SNRPA1: variants seen among roughly 807,000 people sequenced by gnomAD.
The protein encoded by SNRPA1 is small nuclear ribonucleoprotein polypeptide A'.
Under a neutral mutation model 32.3 loss-of-function variants are expected in SNRPA1, and 5 were observed. The observed-to-expected ratio is 0.15, with a 90% CI of 0.08 to 0.33. The LOEUF is 0.33. SNRPA1 is among the 10% of genes least tolerant of loss of function. The probability of loss-of-function intolerance (pLI) is 1.00; values close to 1 mark genes in which losing one functional copy is unlikely to be tolerated. For missense variants in SNRPA1, 198 were observed against 311.1 expected, an observed-to-expected ratio of 0.64 and a Z score of 2.74; for synonymous variants, 111 against 120.1, an observed-to-expected ratio of 0.92 and a Z score of 0.50.
chr15:101,287,029 C>T lies in SNRPA1; in HGVS notation c.357-19G>A, dbSNP rs1465322218. 1 of 1,383,378 alleles carries T rather than the reference C, an allele frequency of 7.2e-7. No individual in the cohort carries two copies. The highest frequency in any genetic ancestry group is 1.0e-6 in the Non-Finnish European group (1 of 973,330). The allele number at this position is 1,383,378 out of a possible 1,614,324, so 85.7% of individuals were successfully genotyped here. A position where few individuals can be genotyped will look rare whatever the true frequency, so the allele number is the denominator to read the frequency against. On this transcript the variant is annotated intron_variant, in intron 4 of 8. Coordinates refer to ENST00000254193, the MANE Select transcript of SNRPA1 (RefSeq NM_003090.4). Reference sequence around the variant, plus strand: ...TAGGATACTACAAGAAAAGGAATGACACAATGGCAAACTTGTTCATGGCAC... The same window carrying T: ...TAGGATACTACAAGAAAAGGAATGATACAATGGCAAACTTGTTCATGGCAC...
chr15:101,285,838 C>A, intron 6 of SNRPA1, 37 bp from the exon 7 acceptor site: 4 of 1,517,166 alleles, frequency 2.6e-6, no homozygotes, highest in Non-Finnish European at 3.7e-6. Context: ...TAGACCTAGA[C>A]CAACAGAAGT....
Position 101,281,733 on chromosome 15 carries a change from G to T in SNRPA1, c.759C>A (p.Asn253Lys). Residue 253 changes from asparagine to lysine, a missense_variant, in exon 9 of 9, where the codon AAC becomes AAA. Physicochemically the swap from Asn to Lys is moderately conservative, Grantham distance 94. Transcript: ENST00000254193. ...ACATCTGCCTCACTGCTCAGGACCC[G>T]TTTGTGACTGTGTCTTCTTCCATCT... ...EEEMEEDTVT[N>K]GS 6.2e-7 allele frequency: 1 copy of T among 1,613,280 alleles called. No homozygotes were observed. Among genetic ancestry groups the T allele is most frequent in the Non-Finnish European group, 8.5e-7 (1 of 1,179,216 alleles).
intron 6 of SNRPA1, 39 bp from the exon 7 acceptor site, chr15:101,285,840 A>G: frequency 6.7e-7 from 1 of 1,500,082 alleles, no homozygotes; most frequent in South Asian, 1.1e-5. Context: ...GACCTAGACC[A>G]ACAGAAGTTG....
At chr15:101,286,087 C>T (rs1434366024) in intron 6 of SNRPA1, 127 bp downstream of exon 6, 5 of 759,466 alleles carry the variant, frequency 6.6e-6, no homozygotes, top group African/African-American at 1.8e-5. Flanking sequence ...GGACTATAAG[C>T]ACTCAAATTT....
At chr15:101,287,349 A>AAG (rs2039467699) in intron 4 of SNRPA1, among the ~76,000 whole-genome samples, 1 of 151,482 alleles carries the variant, frequency 6.6e-6, no homozygotes, top group Non-Finnish European at 1.5e-5. Flanking sequence ...CCCACCCCAC[A>AAG]ACAGGCCCCG....
At chr15:101,286,140 G>C in intron 6 of SNRPA1, 74 bp downstream of exon 6, 1 of 1,277,914 alleles carries the variant, frequency 7.8e-7, no homozygotes, top group Non-Finnish European at 1.1e-6. Flanking sequence ...AATTTTGTAG[G>C]AGACGAACTG....
intron 4 of SNRPA1, among the ~76,000 whole-genome samples, chr15:101,287,276 C>A (rs1278564941): frequency 6.6e-6 from 1 of 152,114 alleles, no homozygotes; most frequent in Non-Finnish European, 1.5e-5. Flanking sequence ...TGTTGGTGGG[C>A]TGCACCCATT....
intron 8 of SNRPA1, among the ~76,000 whole-genome samples, chr15:101,283,435 G>A (rs1011017502): frequency 2.1e-4 from 32 of 152,036 alleles, no homozygotes; most frequent in African/African-American, 7.0e-4. Flanking sequence ...GCTTGGTGGC[G>A]GGCGCCTGTA....
At chr15:101,294,554 T>G (rs1330186828) in intron 1 of SNRPA1, among the ~76,000 whole-genome samples, 1 of 152,158 alleles carries the variant, frequency 6.6e-6, no homozygotes. Context: ...GTGACACAGT[T>G]CAATTTTTAA....
intron 3 of SNRPA1, 129 bp from the exon 4 acceptor site, chr15:101,287,831 C>T (rs571038539): frequency 1.1e-4 from 82 of 730,480 alleles, no homozygotes; most frequent in African/African-American, 6.7e-4. Context: ...AGCAACAAGC[C>T]CAATACTAGC....
chr15:101,289,660 G>A (rs1596471857), intron 3 of SNRPA1, among the ~76,000 whole-genome samples: 2 of 152,010 alleles, frequency 1.3e-5, no homozygotes, highest in East Asian at 1.9e-4. Flanking sequence ...AGCTGGGCGC[G>A]GTGACTCACG....
chr15:101,284,815 A>G lies in SNRPA1; in HGVS notation c.709+152T>C, dbSNP rs1195373204. On this transcript the variant is annotated intron_variant, in intron 8 of 8. Coordinates refer to ENST00000254193, the MANE Select transcript of SNRPA1 (RefSeq NM_003090.4). The stretch of plus-strand genomic sequence containing the variant: ...CTGCACCCAACCCATCAAATACTTT[A>G]TCTTCAAAGAGCATTTAAAGAGATT... The G allele has an allele frequency of 6.2e-6, 4 of 643,530 alleles. No homozygotes were observed. In the African/African-American group the frequency reaches 7.2e-5, roughly 12 times the overall value. The allele number at this position is 643,530 out of a possible 1,614,324, so 39.9% of individuals were successfully genotyped here. A position where few individuals can be genotyped will look rare whatever the true frequency, so the allele number is the denominator to read the frequency against.
intron 1 of SNRPA1, 178 bp downstream of exon 1, chr15:101,294,919 G>C: frequency 2.2e-6 from 1 of 462,452 alleles, no homozygotes; most frequent in Non-Finnish European, 3.9e-6. Flanking sequence ...GAGCTTAACC[G>C]GATGCTCATC....
intron 1 of SNRPA1, among the ~76,000 whole-genome samples, chr15:101,294,490 A>G (rs546336771): frequency 1.3e-5 from 2 of 152,340 alleles, no homozygotes; most frequent in South Asian, 4.1e-4. Context: ...AGGAATCTGA[A>G]TAATTGCGAG....
intron 8 of SNRPA1, among the ~76,000 whole-genome samples, chr15:101,283,803 G>A (rs914166928): frequency 2.6e-5 from 4 of 152,158 alleles, no homozygotes; most frequent in Non-Finnish European, 4.4e-5. Context: ...AGCCGGGCAC[G>A]GTAGCAGGTG....
rs1326071966 is a variant in SNRPA1, at chr15:101,289,899, G to A, written c.309+2063C>T. On this transcript the variant is annotated intron_variant, in intron 3 of 8. Coordinates refer to ENST00000254193, the MANE Select transcript of SNRPA1 (RefSeq NM_003090.4). ...AGAGGTTGCAGTGAGCCGAGATCTC[G>A]CCACTGCACTCCAGCCACTCCATCT... The A allele has an allele frequency of 2.5e-5, 3 of 119,094 alleles. No individual in the cohort carries two copies. In the East Asian group the frequency reaches 7.6e-4, roughly 30 times the overall value. 7.4% of individuals were successfully genotyped at this position (119,094 alleles called of 1,614,324 possible). A position where few individuals can be genotyped will look rare whatever the true frequency, so the allele number is the denominator to read the frequency against.
chr15:101,293,359 G>C lies in SNRPA1; in HGVS notation c.83-187C>G, dbSNP rs933299084. The C allele has an allele frequency of 8.7e-6, 4 of 461,262 alleles. No individual in the cohort carries two copies. The South Asian group carries it at 1.3e-4, about 15-fold the overall frequency. 28.6% of individuals were successfully genotyped at this position (461,262 alleles called of 1,614,324 possible). On this transcript the variant is annotated intron_variant, in intron 1 of 8. Coordinates refer to ENST00000254193, the MANE Select transcript of SNRPA1 (RefSeq NM_003090.4). ...AGATACTAGAGAGAAAACGCTGAACGAGTCTCAAGTCCCCAGTGCCATGAA... is the reference window on the plus strand; with the variant it reads ...AGATACTAGAGAGAAAACGCTGAACCAGTCTCAAGTCCCCAGTGCCATGAA...
chr15:101,292,630 AT>A (rs1394282118), intron 2 of SNRPA1, among the ~76,000 whole-genome samples: 4 of 152,006 alleles, frequency 2.6e-5, no homozygotes, highest in African/African-American at 7.3e-5. Flanking sequence ...CAAAAGTATA[AT>A]TGTTACCTTT....
At chr15:101,290,593 A>G (rs1196804048) in intron 3 of SNRPA1, among the ~76,000 whole-genome samples, 4 of 149,628 alleles carry the variant, frequency 2.7e-5, no homozygotes, top group African/African-American at 9.9e-5. Flanking sequence ...TTTTTTTGAG[A>G]TGAGGTCTTG....
Sources: allele counts gnomAD v4.1 joint callset (sites outside exome capture counted in the v4.1 genomes callset), GRCh38; gene constraint gnomAD v4.1.1; transcripts MANE v1.5; gene names NCBI Gene and HGNC (gene_info 2026-07-23, HGNC 2026-07-21).